ENO4: variants seen among roughly 807,000 people sequenced by gnomAD.
ENO4 encodes 2-phospho-D-glycerate hydro-lyase.
In ENO4, 53 loss-of-function variants were observed where a neutral mutation model predicts 63.2. The ratio of observed to expected loss-of-function variants is 0.84; its 90% CI spans 0.67 to 1.05. The LOEUF is 1.05. ENO4 is among the 50% of genes least tolerant of loss of function. The probability of loss-of-function intolerance (pLI) is 0.00; values close to 1 mark genes in which losing one functional copy is unlikely to be tolerated. For synonymous variants in ENO4, 266 were observed against 283.8 expected (o/e 0.94, Z 0.63); for missense variants, 719 against 772.0 (o/e 0.93, Z 0.81).
At chr10:116,898,938 T>C (rs1056626798) in intron 10 of ENO4, among the ~76,000 whole-genome samples, 1 of 152,186 alleles carries the variant, frequency 6.6e-6, no homozygotes, top group African/African-American at 2.4e-5. Context: ...ATGGAATCTA[T>C]ACATATGTTG....
Position 116,907,981 on chromosome 10 carries a change from C to G in ENO4, c.1195-3518C>G, listed in dbSNP as rs1848041152. 8.1e-6 allele frequency: 4 copies of G among 491,716 alleles called. 1 individual carries two copies. Among genetic ancestry groups the G allele is most frequent in the South Asian group, 4.5e-5 (3 of 67,208 alleles). The allele number at this position is 491,716 out of a possible 1,614,324, so 30.5% of individuals were successfully genotyped here. ...TTGTTTTAGCCATTTTTACAAGAAG[C>G]CTTGTTTCTTCTTTAGCATGTAAAA... On this transcript the variant is annotated intron_variant, in intron 10 of 10. Coordinates refer to the ENO4 transcript ENST00000369207.
chr10:116,874,424 A>G (rs1846775695), intron 10 of ENO4, among the ~76,000 whole-genome samples: 1 of 152,214 alleles, frequency 6.6e-6, no homozygotes, highest in Non-Finnish European at 1.5e-5. Flanking sequence ...TAAGCAAATG[A>G]ATAGGAAAAA....
intron 11 of ENO4, among the ~76,000 whole-genome samples, chr10:116,878,298 G>A (rs2531687): frequency 0.27 from 41,793 of 152,124 alleles, 7,044 homozygotes; most frequent in Middle Eastern, 0.4. Context: ...CAGGGGCCTG[G>A]GTTGGTGCCA....
intron 11 of ENO4, among the ~76,000 whole-genome samples, chr10:116,877,034 C>T (rs1460240463): frequency 6.6e-6 from 1 of 152,024 alleles, no homozygotes; most frequent in Non-Finnish European, 1.5e-5. Context: ...GTCCCAAATC[C>T]TGATTCATGC....
rs147877217 is a variant in ENO4 at position 116,871,594 on chromosome 10, A to C, written c.1215+302A>C. Among the ~76,000 whole-genome samples the C allele has an allele frequency of 6.1e-3, 934 of 152,354 alleles. 32 individuals carry two copies. Among genetic ancestry groups the C allele is most frequent in the Admixed American group, 0.05 (770 of 15,304 alleles). ...GAAAGCTACTGAAAAATAATTTAAC[A>C]AACTGCATTTGGTTGATAAATGCTG... On this transcript the variant is annotated intron_variant, in intron 9 of 13. Transcript: ENST00000341276.
chr10:116,902,784 G>A (rs1399537803), intron 10 of ENO4, among the ~76,000 whole-genome samples: 1 of 152,200 alleles, frequency 6.6e-6, no homozygotes, highest in East Asian at 1.9e-4. Context: ...TAGAAATAAA[G>A]TGAGAGGATA....
rs547817812 is a variant in ENO4 at position 116,851,740 on chromosome 10, C to T, written c.165+2009C>T. On this transcript the variant is annotated intron_variant, in intron 1 of 13. Coordinates refer to ENST00000341276, the MANE Select transcript of ENO4 (RefSeq NM_001242699.2). ...CTCAGCCCCTCCCTCTGGTAACAGG[C>T]GCATCTCCCACTCCCTGCCCTCCTC... 2.0e-5 allele frequency among the ~76,000 whole-genome samples: 3 copies of T among 152,050 alleles called. No homozygotes were observed. In the East Asian group the frequency reaches 5.9e-4, roughly 30 times the overall value.
chr10:116,901,034 G>A (rs1284296952), intron 10 of ENO4: 11 of 985,208 alleles, frequency 1.1e-5, no homozygotes, highest in Non-Finnish European at 1.3e-5. Flanking sequence ...GGAAATCAGA[G>A]GTTTAATTAA....
chr10:116,891,658 G>A (rs1014516920), intron 10 of ENO4, among the ~76,000 whole-genome samples: 1 of 152,120 alleles, frequency 6.6e-6, no homozygotes. Flanking sequence ...AACAGTAGTG[G>A]CATTACAGCA....
intron 10 of ENO4, among the ~76,000 whole-genome samples, chr10:116,899,785 T>C (rs576596313): frequency 6.6e-6 from 1 of 152,312 alleles, no homozygotes; most frequent in East Asian, 1.9e-4. Flanking sequence ...TCAAAGTGCT[T>C]TGACAGGCCA....
chr10:116,855,091 G>A (rs561869016), intron 1 of ENO4, among the ~76,000 whole-genome samples: 1 of 151,942 alleles, frequency 6.6e-6, no homozygotes, highest in Admixed American at 6.6e-5. Context: ...TCAAGAGATT[G>A]AGACTATCCT....
At chr10:116,901,975 A>G in intron 10 of ENO4, 1 of 1,563,978 alleles carries the variant, frequency 6.4e-7, no homozygotes, top group East Asian at 2.3e-5. Flanking sequence ...CCAAACACAT[A>G]CCTCAAGTTT....
intron 7 of ENO4, among the ~76,000 whole-genome samples, chr10:116,867,461 C>T (rs948868224): frequency 1.3e-5 from 2 of 150,786 alleles, no homozygotes; most frequent in South Asian, 2.1e-4. Context: ...TGGCGGTGCA[C>T]GCTTGTTGTC....
At chr10:116,877,005 T>G (rs1171801638) in intron 11 of ENO4, among the ~76,000 whole-genome samples, 1 of 152,020 alleles carries the variant, frequency 6.6e-6, no homozygotes, top group Non-Finnish European at 1.5e-5. Context: ...GTACCCCAAC[T>G]CTTACTGCTA....
intron 1 of ENO4, among the ~76,000 whole-genome samples, chr10:116,854,940 C>CAAAAAAAAAAAAAAAAAAAA (rs71013620): frequency 9.6e-5 from 4 of 41,524 alleles, no homozygotes; most frequent in African/African-American, 2.4e-4. Flanking sequence ...GACCCTGTCT[C>CAAAAAAAAAAAAAAAAAAAA]AAAAAAAAAA....
chr10:116,893,576 G>GCACACACACACACACACACACACACA (rs6144113), intron 10 of ENO4, among the ~76,000 whole-genome samples: 24,580 of 123,242 alleles, frequency 0.2, 3,330 homozygotes, highest in Non-Finnish European at 0.25. Flanking sequence ...GCACTCATGT[G>GCACACACACACACACACACACACACA]CACACACACA....
At chr10:116,906,635 T>C in intron 10 of ENO4, 1 of 1,612,142 alleles carries the variant, frequency 6.2e-7, no homozygotes, top group Non-Finnish European at 8.5e-7. Flanking sequence ...ACTACTGCTA[T>C]CTGCTTCTGC....
chr10:116,886,644 C>CT, downstream of ENO4: 9 of 1,575,488 alleles, frequency 5.7e-6, no homozygotes, highest in Non-Finnish European at 7.8e-6. Flanking sequence ...TGGATTCAGA[C>CT]TAACATAAAA....
At chr10:116,901,877 A>C in intron 10 of ENO4, 1 of 1,608,436 alleles carries the variant, frequency 6.2e-7, no homozygotes, top group Non-Finnish European at 8.5e-7. Flanking sequence ...TTCTTGTTCA[A>C]GGCTGTTTTT....
Sources: gnomAD v4.1 joint callset for allele counts (sites outside exome capture counted in the v4.1 genomes callset) on GRCh38, gnomAD v4.1.1 for gene constraint, MANE v1.5 for transcripts, NCBI Gene and HGNC (gene_info 2026-07-23, HGNC 2026-07-21) for gene names.